Variants in MAST4 observed in about 807,000 individuals in gnomAD.
The protein encoded by MAST4 is microtubule-associated serine/threonine-protein kinase 4.
MAST4 carries 89 observed loss-of-function variants against 162.7 expected under a neutral mutation model. The observed-to-expected ratio is 0.55, with a 90% CI of 0.46 to 0.65. The LOEUF is 0.65. MAST4 is among the 30% of genes least tolerant of loss of function. The pLI is 0.00. For missense variants in MAST4, 3,153 were observed against 3,374.0 expected, an observed-to-expected ratio of 0.93 and a Z score of 1.62; for synonymous variants, 1,479 against 1,361.1, an observed-to-expected ratio of 1.09 and a Z score of -1.91.
intron 3 of MAST4, among the ~76,000 whole-genome samples, chr5:66,863,863 C>T (rs1320722720): frequency 6.6e-6 from 1 of 152,192 alleles, no homozygotes; most frequent in Non-Finnish European, 1.5e-5. Context: ...GCAGCTTCCT[C>T]CCTTTCCTCT....
At chr5:67,159,711 C>T (rs945070652) in intron 26 of MAST4, among the ~76,000 whole-genome samples, 4 of 152,158 alleles carry the variant, frequency 2.6e-5, no homozygotes, top group Non-Finnish European at 5.9e-5. Flanking sequence ...GCTGACTCCA[C>T]GCTCAGTTCC....
intron 4 of MAST4, among the ~76,000 whole-genome samples, chr5:66,908,361 G>A (rs1763523009): frequency 6.6e-6 from 1 of 152,082 alleles, no homozygotes; most frequent in Non-Finnish European, 1.5e-5. Flanking sequence ...TTACCTGTGG[G>A]GAGGTTTATA....
chr5:66,637,400 T>G (rs1745193606), intron 1 of MAST4, among the ~76,000 whole-genome samples: 1 of 152,282 alleles, frequency 6.6e-6, no homozygotes, highest in Admixed American at 6.5e-5. Context: ...TATTGTCACA[T>G]CATCCTTTAA....
At position 66,951,611 on chromosome 5, in the gene MAST4, T is replaced by C. The variant is rs1305347311; in HGVS notation, c.674+51629T>C. ...GCCTCCCATGATATGTGTGTGTGTG[T>C]GTGTGTGTGTGTGTGTGTGTGTGTG... is the stretch of plus-strand genomic sequence containing the variant. On this transcript the variant is annotated intron_variant, in intron 4 of 28. Transcript: ENST00000403625. Among the ~76,000 whole-genome samples, 5 of 144,668 alleles carry C rather than the reference T, an allele frequency of 3.5e-5. No homozygotes were observed. The East Asian group carries it at 1.1e-3, about 31-fold the overall frequency. 94.9% of individuals were successfully genotyped at this position (144,668 alleles called of 152,430 possible).
chr5:66,865,739 A>G (rs1760463803), intron 3 of MAST4, among the ~76,000 whole-genome samples: 1 of 152,158 alleles, frequency 6.6e-6, no homozygotes, highest in African/African-American at 2.4e-5. Flanking sequence ...ATTACAAGTC[A>G]CATCATCAAT....
chr5:66,859,347 C>T (rs758898661), intron 3 of MAST4, among the ~76,000 whole-genome samples: 5 of 152,040 alleles, frequency 3.3e-5, no homozygotes, highest in Non-Finnish European at 7.4e-5. Context: ...TTAGACATTC[C>T]TTAATACTAT....
chr5:66,718,513 C>T (rs1291279637), intron 1 of MAST4, among the ~76,000 whole-genome samples: 2 of 152,044 alleles, frequency 1.3e-5, no homozygotes, highest in African/African-American at 2.4e-5. Flanking sequence ...TCTCAGGGCC[C>T]CTGGCTCTGG....
intron 5 of MAST4, among the ~76,000 whole-genome samples, chr5:67,069,001 A>C (rs1760576026): frequency 6.6e-6 from 1 of 151,648 alleles, no homozygotes; most frequent in African/African-American, 2.4e-5. Flanking sequence ...TCCTGCTGAC[A>C]CCCTTCTCGT....
At chr5:66,837,223 G>A (rs1758039654) in intron 3 of MAST4, among the ~76,000 whole-genome samples, 1 of 152,078 alleles carries the variant, frequency 6.6e-6, no homozygotes, top group African/African-American at 2.4e-5. Flanking sequence ...TTCAAATGAG[G>A]TATGGAAAGC....
chr5:66,624,881 A>G (rs572059850), intron 1 of MAST4, among the ~76,000 whole-genome samples: 10 of 152,368 alleles, frequency 6.6e-5, no homozygotes, highest in South Asian at 2.1e-4. Context: ...AGACTTTAAC[A>G]TAAGACTTGC....
At chr5:66,624,974 A>G (rs1278562533) in intron 1 of MAST4, among the ~76,000 whole-genome samples, 1 of 152,242 alleles carries the variant, frequency 6.6e-6, no homozygotes, top group Non-Finnish European at 1.5e-5. Flanking sequence ...AACAAAAGCA[A>G]AAATGGTATT....
chr5:66,798,779 A>G (rs1755777592), intron 3 of MAST4, among the ~76,000 whole-genome samples: 2 of 152,156 alleles, frequency 1.3e-5, no homozygotes, highest in South Asian at 2.1e-4. Flanking sequence ...ATTGCCTGTA[A>G]CCAACTTGTT....
chr5:67,133,760 C>T, intron 17 of MAST4, 114 bp downstream of exon 17: 2 of 1,121,062 alleles, frequency 1.8e-6, no homozygotes, highest in South Asian at 1.6e-5. Flanking sequence ...GTTTAGATGT[C>T]TGTATAAACC....
At chr5:66,668,787 A>G (rs890914786) in intron 1 of MAST4, among the ~76,000 whole-genome samples, 1 of 152,210 alleles carries the variant, frequency 6.6e-6, no homozygotes, top group African/African-American at 2.4e-5. Flanking sequence ...GTGAAATATG[A>G]TTTGCTTAAT....
Position 67,063,831 on chromosome 5 carries a change from A to C in MAST4, c.763+9339A>C, listed in dbSNP as rs552699870. Reference sequence around the variant, plus strand: ...ACATATTTTCCATGTTAGAATTGACAGTCCTTAAAGAAAGATTGGATGTAG... The same window carrying C: ...ACATATTTTCCATGTTAGAATTGACCGTCCTTAAAGAAAGATTGGATGTAG... On this transcript the variant is annotated intron_variant, in intron 5 of 28. Transcript: ENST00000403625. Among the ~76,000 whole-genome samples the C allele has an allele frequency of 2.6e-5, 4 of 152,336 alleles. No homozygotes were observed. In the East Asian group the frequency reaches 7.7e-4, roughly 29 times the overall value.
chr5:66,998,983 T>C (rs1322522903), intron 4 of MAST4, among the ~76,000 whole-genome samples: 1 of 152,176 alleles, frequency 6.6e-6, no homozygotes, highest in African/African-American at 2.4e-5. Flanking sequence ...GGTTTTCTGT[T>C]TGCCGGGTGA....
Position 66,844,339 on chromosome 5 carries a change from T to C in MAST4, c.642+55545T>C, listed in dbSNP as rs553523424. Among the ~76,000 whole-genome samples, 7 of 152,266 alleles carry C rather than the reference T, an allele frequency of 4.6e-5. No individual in the cohort carries two copies. The South Asian group carries it at 1.2e-3, about 27-fold the overall frequency. On this transcript the variant is annotated intron_variant, in intron 3 of 28. Transcript: ENST00000403625. ...TTTATGTTCTTTTCATCAGTATTAA[T>C]GGAACCACTTTGGACATAGTATAAG... is the stretch of plus-strand genomic sequence containing the variant.
chr5:66,608,355 CTTTTTTTTTTTTTTTTTT>C lies in MAST4; in HGVS notation c.363+11351_363+11368del, dbSNP rs72272071. 7.6e-3 allele frequency among the ~76,000 whole-genome samples: 338 copies of C among 44,456 alleles called. 5 individuals carry two copies. Among genetic ancestry groups the C allele is most frequent in the Admixed American group, 0.07 (234 of 3,324 alleles). 29.2% of individuals were successfully genotyped at this position (44,456 alleles called of 152,430 possible). ...ACAGACATGAACCACTGTGCCTGGC[CTTTTTTTTTTTTTTTTTT>C]TTTTTTTTTTTTTGATGGCGAGAAC... On this transcript the variant is annotated intron_variant, in intron 1 of 28. Transcript: ENST00000403625.
At chr5:66,700,061 A>C (rs977333626) in intron 1 of MAST4, among the ~76,000 whole-genome samples, 1 of 152,116 alleles carries the variant, frequency 6.6e-6, no homozygotes, top group African/African-American at 2.4e-5. Flanking sequence ...TTTGGTGTTG[A>C]CTGCAGCCCA....
Sources: gnomAD v4.1 joint callset for allele counts (sites outside exome capture counted in the v4.1 genomes callset) on GRCh38, gnomAD v4.1.1 for gene constraint, MANE v1.5 for transcripts, NCBI Gene and HGNC (gene_info 2026-07-23, HGNC 2026-07-21) for gene names.